The following LRRC4C variants were observed in gnomAD, a reference collection of about 807,000 sequenced individuals.
The protein encoded by LRRC4C is leucine rich repeat containing 4C.
In LRRC4C, 5 loss-of-function variants were observed where a neutral mutation model predicts 33.6. That is an observed-to-expected ratio of 0.15 (90% CI 0.08 to 0.31). The LOEUF is 0.31. Among genes scored for constraint, LRRC4C ranks in the 10% least tolerant of loss-of-function variants. The pLI, the probability that LRRC4C is intolerant of heterozygous loss-of-function variation, is 1.00. For missense variants in LRRC4C, 560 were observed against 796.7 expected, an observed-to-expected ratio of 0.70 and a Z score of 3.58; for synonymous variants, 329 against 302.0, an observed-to-expected ratio of 1.09 and a Z score of -0.93.
At chr11:40,175,855 C>CT (rs576571278) in intron 5 of LRRC4C, among the ~76,000 whole-genome samples, 6 of 151,992 alleles carry the variant, frequency 3.9e-5, no homozygotes, top group East Asian at 3.9e-4. Flanking sequence ...TCATTTAATT[C>CT]TTTTTTTTAA....
chr11:40,675,953 G>T (rs1944377914), intron 2 of LRRC4C, among the ~76,000 whole-genome samples: 1 of 152,050 alleles, frequency 6.6e-6, no homozygotes, highest in African/African-American at 2.4e-5. Context: ...TAGTAACTAT[G>T]GTCTTAGGTG....
Position 41,275,562 on chromosome 11 carries a change from G to A in LRRC4C, c.-496+183869C>T, listed in dbSNP as rs1022879160. On this transcript the variant is annotated intron_variant, in intron 1 of 6. Coordinates refer to ENST00000528697, the MANE Select transcript of LRRC4C (RefSeq NM_001258419.2). ...ATTGTTTTAAGGCAGCTCACTGGGAGTATAAAATATGTCAAGATAGCATAA... is the reference window on the plus strand; with the variant it reads ...ATTGTTTTAAGGCAGCTCACTGGGAATATAAAATATGTCAAGATAGCATAA... 2.2e-4 allele frequency among the ~76,000 whole-genome samples: 34 copies of A among 152,156 alleles called. 1 individual carries two copies. The highest frequency in any genetic ancestry group is 2.9e-5 in the Non-Finnish European group (2 of 68,034).
chr11:40,236,946 T>A (rs1282344705), intron 5 of LRRC4C, among the ~76,000 whole-genome samples: 1 of 152,164 alleles, frequency 6.6e-6, no homozygotes, highest in Non-Finnish European at 1.5e-5. Flanking sequence ...AAAACAAATG[T>A]GCAGAGCTGA....
intron 1 of LRRC4C, among the ~76,000 whole-genome samples, chr11:41,231,076 G>A (rs1011105037): frequency 3.9e-5 from 6 of 152,118 alleles, no homozygotes; most frequent in East Asian, 1.9e-4. Flanking sequence ...ACCATCTCAT[G>A]TCAGTTAGAA....
In LRRC4C at chr11:40,639,163, G is replaced by GA. The variant is rs57730547; in HGVS notation, c.-270+8978dup. 1.6e-3 allele frequency among the ~76,000 whole-genome samples: 229 copies of GA among 141,392 alleles called. 1 individual carries two copies. The highest frequency in any genetic ancestry group is 2.2e-3 in the Admixed American group (31 of 14,000). 92.8% of individuals were successfully genotyped at this position (141,392 alleles called of 152,430 possible). A position where few individuals can be genotyped will look rare whatever the true frequency, so the allele number is the denominator to read the frequency against. On this transcript the variant is annotated intron_variant, in intron 3 of 6. Transcript: ENST00000528697. ...AAAGTAACACTTTGTTAAGGTTGTT[G>GA]AAAAAAAAAAAAACTCTCTAGTTTC...
intron 1 of LRRC4C, among the ~76,000 whole-genome samples, chr11:40,961,781 T>A (rs555724061): frequency 1.3e-5 from 2 of 151,718 alleles, no homozygotes; most frequent in South Asian, 4.1e-4. Flanking sequence ...CTATAAGAAC[T>A]TCCTCTAAAC....
chr11:41,177,442 C>T (rs1232778483), intron 1 of LRRC4C, among the ~76,000 whole-genome samples: 1 of 152,134 alleles, frequency 6.6e-6, no homozygotes, highest in Non-Finnish European at 1.5e-5. Context: ...GTTGAGATAA[C>T]TCCAACTGGC....
chr11:41,407,547 C>T (rs1253691865), intron 1 of LRRC4C, among the ~76,000 whole-genome samples: 1 of 152,170 alleles, frequency 6.6e-6, no homozygotes, highest in East Asian at 1.9e-4. Context: ...AGCAAGCCTC[C>T]CACCTTGGCC....
intron 2 of LRRC4C, among the ~76,000 whole-genome samples, chr11:40,678,952 T>A (rs1360953997): frequency 6.6e-6 from 1 of 152,092 alleles, no homozygotes; most frequent in Non-Finnish European, 1.5e-5. Context: ...TTTGGAGGGC[T>A]CAGAAGACAG....
At chr11:40,349,009 T>A (rs1947262377) in intron 3 of LRRC4C, among the ~76,000 whole-genome samples, 2 of 152,190 alleles carry the variant, frequency 1.3e-5, no homozygotes, top group South Asian at 4.1e-4. Context: ...AGGCATATAA[T>A]GCATAATAAT....
chr11:40,537,649 C>T (rs1013383297), intron 3 of LRRC4C, among the ~76,000 whole-genome samples: 2 of 152,088 alleles, frequency 1.3e-5, no homozygotes, highest in Non-Finnish European at 2.9e-5. Flanking sequence ...TCTCAAAAAC[C>T]ATATCTCAGA....
chr11:40,845,365 C>T (rs957897470), intron 2 of LRRC4C, among the ~76,000 whole-genome samples: 1 of 152,108 alleles, frequency 6.6e-6, no homozygotes, highest in African/African-American at 2.4e-5. Context: ...CCCATATGTC[C>T]TCATTGTTCA....
At chr11:40,354,413 C>T (rs1947561117) in intron 3 of LRRC4C, among the ~76,000 whole-genome samples, 1 of 152,146 alleles carries the variant, frequency 6.6e-6, no homozygotes, top group Non-Finnish European at 1.5e-5. Flanking sequence ...TATGTCCTTC[C>T]TTTCAGGGAA....
chr11:41,002,598 G>T (rs529972677), intron 1 of LRRC4C, among the ~76,000 whole-genome samples: 1 of 152,050 alleles, frequency 6.6e-6, no homozygotes, highest in Non-Finnish European at 1.5e-5. Flanking sequence ...CCAAATTAAG[G>T]CCAGAATTAC....
Position 40,983,444 on chromosome 11 carries a change from C to T in LRRC4C, c.-495-49721G>A, listed in dbSNP as rs151301267. On this transcript the variant is annotated intron_variant, in intron 1 of 6. Transcript: ENST00000528697. ...ACAACCTAGGCAATACCAGTCAGGA[C>T]ACAGGCATGGGCAAAGATTTCTGGA... is the stretch of plus-strand genomic sequence containing the variant. Among the ~76,000 whole-genome samples the T allele has an allele frequency of 3.5e-4, 53 of 152,258 alleles. No homozygotes were observed. The East Asian group carries it at 0.01, about 29-fold the overall frequency.
chr11:41,186,902 G>A (rs1036727669), intron 1 of LRRC4C, among the ~76,000 whole-genome samples: 1 of 152,118 alleles, frequency 6.6e-6, no homozygotes, highest in African/African-American at 2.4e-5. Context: ...ATTCACAAAA[G>A]TAGTATTTTT....
chr11:40,596,011 C>T (rs542593539), intron 3 of LRRC4C, among the ~76,000 whole-genome samples: 41 of 152,146 alleles, frequency 2.7e-4, no homozygotes, highest in African/African-American at 9.6e-4. Flanking sequence ...TGTCTGTCCT[C>T]GCGAAAGAGT....
chr11:41,458,243 G>A (rs969713545), intron 1 of LRRC4C, among the ~76,000 whole-genome samples: 1 of 152,114 alleles, frequency 6.6e-6, no homozygotes, highest in East Asian at 1.9e-4. Context: ...AACAGTTCAA[G>A]TTGGCTAACA....
chr11:40,793,692 T>C (rs1950715146), intron 2 of LRRC4C, among the ~76,000 whole-genome samples: 1 of 151,986 alleles, frequency 6.6e-6, no homozygotes, highest in Non-Finnish European at 1.5e-5. Flanking sequence ...GGAAAGAGAG[T>C]CCATAATTTC....
Sources: gnomAD v4.1 joint callset for allele counts (sites outside exome capture counted in the v4.1 genomes callset) on GRCh38, gnomAD v4.1.1 for gene constraint, MANE v1.5 for transcripts, NCBI Gene and HGNC (gene_info 2026-07-23, HGNC 2026-07-21) for gene names.